Variants in ITPRID1 observed in about 807,000 individuals in gnomAD.
ITPRID1 encodes protein ITPRID1.
Under a neutral mutation model 95.4 loss-of-function variants are expected in ITPRID1, and 96 were observed. That is an observed-to-expected ratio of 1.01 (90% confidence interval 0.85 to 1.19). The LOEUF is 1.19. Ranked by LOEUF, ITPRID1 falls within the 50% of genes most tolerant of loss-of-function variation. ITPRID1 has a pLI of 0.00. For synonymous variants in ITPRID1, 510 were observed against 453.6 expected (o/e 1.12, Z -1.58); for missense variants, 1,339 against 1,252.9 (o/e 1.07, Z -1.04).
At position 31,572,193 on chromosome 7, in the gene ITPRID1, G is replaced by A. The variant is rs1039919099; in HGVS notation, c.395+5G>A. 6.3e-7 allele frequency: 1 copy of A among 1,580,514 alleles called. No individual in the cohort carries two copies. Among genetic ancestry groups the A allele is most frequent in the African/African-American group, 1.3e-5 (1 of 74,280 alleles). ...TACTGCAAGTGTACCACAAAGGTAT[G>A]TAATTTCCAGGTGCTTTTCATCCTG... is the stretch of plus-strand genomic sequence containing the variant. On this transcript the variant is annotated splice_donor_5th_base_variant and intron_variant, in intron 7 of 14. Transcript: ENST00000615280.
intron 7 of ITPRID1, among the ~76,000 whole-genome samples, chr7:31,572,620 A>AC (rs1785030584): frequency 6.6e-6 from 1 of 152,220 alleles, no homozygotes; most frequent in Admixed American, 6.5e-5. Flanking sequence ...GGAAGGATAC[A>AC]CATAGGTTTA....
Position 31,519,645 on chromosome 7 carries a change from T to TATATATATATATATATATATATAA in ITPRID1, c.-98+5526_-98+5527insTATATATATATATATATATATAAA, listed in dbSNP as rs1332451516. On this transcript the variant is annotated intron_variant, in intron 1 of 14. Transcript: ENST00000615280. ...CTATATATATATATATATATATATA[T>TATATATATATATATATATATATAA]AAATCTTATGTTATCCTGCTGGTAT... Among the ~76,000 whole-genome samples the TATATATATATATATATATATATAA allele has an allele frequency of 1.9e-3, 219 of 114,958 alleles. 5 individuals carry two copies. The highest frequency in any genetic ancestry group is 2.6e-3 in the Non-Finnish European group (153 of 58,258). 75.4% of individuals were successfully genotyped at this position (114,958 alleles called of 152,430 possible).
rs908468503 is a variant in ITPRID1 at position 31,631,285 on chromosome 7, C to A, written c.1229-10891C>A. 2.6e-5 allele frequency among the ~76,000 whole-genome samples: 4 copies of A among 152,116 alleles called. No homozygotes were observed. The South Asian group carries it at 8.3e-4, about 31-fold the overall frequency. ...AGGCATGTGCTCACAAACACATATG[C>A]GTGCGTGCACACACAGACACACAAA... On this transcript the variant is annotated intron_variant, in intron 10 of 14. Transcript: ENST00000615280.
chr7:31,554,934 G>A (rs1428587598), intron 5 of ITPRID1, 33 bp downstream of exon 5: 1 of 1,484,622 alleles, frequency 6.7e-7, no homozygotes, highest in Admixed American at 1.9e-5. Flanking sequence ...GCTTTGGGAA[G>A]CTGAGTAGGA....
At chr7:31,574,260 T>C (rs1785096502) in intron 7 of ITPRID1, among the ~76,000 whole-genome samples, 1 of 152,044 alleles carries the variant, frequency 6.6e-6, no homozygotes, top group Non-Finnish European at 1.5e-5. Context: ...TGTCCTGCAG[T>C]CTCCCTGCCC....
intron 10 of ITPRID1, among the ~76,000 whole-genome samples, chr7:31,584,985 A>C (rs144601084): frequency 0.021 from 3,270 of 152,316 alleles, 112 homozygotes; most frequent in African/African-American, 0.073. Flanking sequence ...CTGGGAACCC[A>C]GCCCCTATGT....
intron 7 of ITPRID1, among the ~76,000 whole-genome samples, chr7:31,573,045 G>T (rs920504761): frequency 6.6e-6 from 1 of 152,046 alleles, no homozygotes; most frequent in Non-Finnish European, 1.5e-5. Flanking sequence ...TTATATTCAG[G>T]TGTCTGTGTC....
intron 10 of ITPRID1, among the ~76,000 whole-genome samples, chr7:31,637,135 G>C (rs377101989): frequency 6.6e-6 from 1 of 151,666 alleles, no homozygotes; most frequent in Non-Finnish European, 1.5e-5. Context: ...CCAGTCTATC[G>C]TTGTTGGACA....
At chr7:31,556,671 T>C (rs892410676) in intron 5 of ITPRID1, among the ~76,000 whole-genome samples, 1 of 152,014 alleles carries the variant, frequency 6.6e-6, no homozygotes, top group Non-Finnish European at 1.5e-5. Context: ...GGAGAAAAAC[T>C]GTGGAGATGA....
intron 10 of ITPRID1, among the ~76,000 whole-genome samples, chr7:31,640,258 G>T (rs1056866812): frequency 1.3e-5 from 2 of 152,164 alleles, no homozygotes; most frequent in Non-Finnish European, 2.9e-5. Context: ...CCCTATTCCA[G>T]GCTCTGGATG....
At chr7:31,564,817 A>G (rs1357536958) in intron 5 of ITPRID1, among the ~76,000 whole-genome samples, 12 of 152,146 alleles carry the variant, frequency 7.9e-5, no homozygotes, top group African/African-American at 2.9e-4. Flanking sequence ...GTTGCCTTCA[A>G]CAGATTGCTG....
intron 10 of ITPRID1, among the ~76,000 whole-genome samples, chr7:31,585,235 G>A (rs1785546011): frequency 6.6e-6 from 1 of 152,196 alleles, no homozygotes; most frequent in Non-Finnish European, 1.5e-5. Context: ...GGAGGTATAC[G>A]ATGAACTCTT....
intron 1 of ITPRID1, among the ~76,000 whole-genome samples, chr7:31,542,373 C>T (rs1467305195): frequency 6.6e-6 from 1 of 152,102 alleles, no homozygotes; most frequent in African/African-American, 2.4e-5. Flanking sequence ...TGCATAAATT[C>T]CCTTTTATAC....
chr7:31,617,373 T>G (rs993813574), intron 10 of ITPRID1, among the ~76,000 whole-genome samples: 2 of 152,186 alleles, frequency 1.3e-5, no homozygotes, highest in Non-Finnish European at 2.9e-5. Context: ...GTATCATACC[T>G]CTATGTAGTA....
chr7:31,531,059 G>C (rs1783582199), intron 1 of ITPRID1, among the ~76,000 whole-genome samples: 1 of 152,216 alleles, frequency 6.6e-6, no homozygotes, highest in South Asian at 2.1e-4. Flanking sequence ...TCATCTCCCA[G>C]AGCAGGCTCC....
chr7:31,551,689 G>T (rs1256320506), intron 2 of ITPRID1, among the ~76,000 whole-genome samples: 1 of 143,558 alleles, frequency 7.0e-6, no homozygotes, highest in Non-Finnish European at 1.6e-5. Flanking sequence ...GCTGCCAGTT[G>T]CATCTAGAAC....
intron 10 of ITPRID1, among the ~76,000 whole-genome samples, chr7:31,625,269 C>T (rs1028007651): frequency 5.9e-4 from 64 of 108,038 alleles, no homozygotes; most frequent in African/African-American, 2.2e-3. Flanking sequence ...CATCCCATTA[C>T]TGGGTATATA....
intron 10 of ITPRID1, among the ~76,000 whole-genome samples, chr7:31,625,332 T>C (rs1288070093): frequency 1.3e-5 from 2 of 151,982 alleles, no homozygotes; most frequent in Non-Finnish European, 2.9e-5. Context: ...CATATGTTTA[T>C]TGCGGCACTA....
intron 10 of ITPRID1, among the ~76,000 whole-genome samples, chr7:31,639,229 T>A (rs1233076786): frequency 6.6e-6 from 1 of 152,226 alleles, no homozygotes; most frequent in Non-Finnish European, 1.5e-5. Flanking sequence ...TACCTGAGGC[T>A]ACTTGGACTT....
Sources: gnomAD v4.1 joint callset for allele counts (sites outside exome capture counted in the v4.1 genomes callset) on GRCh38, gnomAD v4.1.1 for gene constraint, MANE v1.5 for transcripts, NCBI Gene and HGNC (gene_info 2026-07-23, HGNC 2026-07-21) for gene names.